Variants in LDB2 observed in about 807,000 individuals in gnomAD.
The protein encoded by LDB2 is LIM domain binding 2, also known as LIM domain-binding protein 2.
Under a neutral mutation model 44.3 loss-of-function variants are expected in LDB2, and 12 were observed. The observed-to-expected ratio is 0.27, with a 90% CI of 0.17 to 0.44. The LOEUF (loss-of-function observed/expected upper bound fraction) is 0.44, where lower values mean the gene tolerates loss of function less well. Among genes scored for constraint, LDB2 ranks in the 20% least tolerant of loss-of-function variants. The pLI is 1.00. For missense variants in LDB2, 344 were observed against 473.5 expected, an observed-to-expected ratio of 0.73 and a Z score of 2.54; for synonymous variants, 164 against 174.8, an observed-to-expected ratio of 0.94 and a Z score of 0.49.
chr4:16,512,405 T>TAG (rs1722103845), intron 5 of LDB2, among the ~76,000 whole-genome samples: 1 of 152,064 alleles, frequency 6.6e-6, no homozygotes, highest in African/African-American at 2.4e-5. Flanking sequence ...TGGATATATG[T>TAG]AGCTCTATTC....
rs766138440 is a variant in LDB2, at chr4:16,524,372, C to T, written c.616-12268G>A. Among the ~76,000 whole-genome samples the T allele has an allele frequency of 7.2e-5, 11 of 152,156 alleles. No homozygotes were observed. In the East Asian group the frequency reaches 1.5e-3, roughly 21 times the overall value. On this transcript the variant is annotated intron_variant, in intron 5 of 7. Coordinates refer to ENST00000304523, the MANE Select transcript of LDB2 (RefSeq NM_001290.5). ...TGTCAGGAAGGGCTGCCTGAGGAAT[C>T]GATATTTAAGTTGAGACATACAAAG... is the stretch of plus-strand genomic sequence containing the variant.
At chr4:16,551,333 A>G (rs752502254) in intron 5 of LDB2, among the ~76,000 whole-genome samples, 6 of 152,176 alleles carry the variant, frequency 3.9e-5, no homozygotes, top group Admixed American at 1.3e-4. Context: ...TTTAAAAGTT[A>G]AGGAAAACTG....
chr4:16,567,794 C>T (rs1745098330), intron 5 of LDB2, among the ~76,000 whole-genome samples: 1 of 152,146 alleles, frequency 6.6e-6, no homozygotes, highest in Admixed American at 6.5e-5. Context: ...AAAAAGTTTA[C>T]ATTTCAAGCA....
chr4:16,606,105 T>C (rs1408282300), intron 2 of LDB2, among the ~76,000 whole-genome samples: 2 of 152,234 alleles, frequency 1.3e-5, no homozygotes, highest in Admixed American at 6.5e-5. Flanking sequence ...TTTAGATTTT[T>C]AAATTATTTT....
intron 2 of LDB2, among the ~76,000 whole-genome samples, chr4:16,722,301 G>T (rs1758438121): frequency 6.6e-6 from 1 of 152,116 alleles, no homozygotes; most frequent in African/African-American, 2.4e-5. Flanking sequence ...ACAGAAAGTA[G>T]CTTGCCCAGC....
intron 1 of LDB2, among the ~76,000 whole-genome samples, chr4:16,893,950 C>T (rs1295415812): frequency 6.6e-6 from 1 of 152,078 alleles, no homozygotes; most frequent in Non-Finnish European, 1.5e-5. Flanking sequence ...GATAAACTTT[C>T]TTAAATTTTA....
At chr4:16,551,243 A>C (rs2152348381) in intron 5 of LDB2, among the ~76,000 whole-genome samples, 1 of 152,324 alleles carries the variant, frequency 6.6e-6, no homozygotes, top group East Asian at 1.9e-4. Context: ...CAAGTATTCC[A>C]AAATGCTGAG....
At chr4:16,866,436 A>G (rs1036233503) in intron 1 of LDB2, among the ~76,000 whole-genome samples, 2 of 152,230 alleles carry the variant, frequency 1.3e-5, no homozygotes, top group Admixed American at 6.5e-5. Flanking sequence ...AGCCAACCAA[A>G]TCAAATAAAT....
rs530482097 is a variant in LDB2, at chr4:16,614,995, G to A, written c.236-19120C>T. On this transcript the variant is annotated intron_variant, in intron 2 of 7. Transcript: ENST00000304523. ...TGAGGCAGGAGAATGGCGTGAACCCGGGAGGTGGAGCTTGCAGTGAGCCGA... is the reference window on the plus strand; with the variant it reads ...TGAGGCAGGAGAATGGCGTGAACCCAGGAGGTGGAGCTTGCAGTGAGCCGA... Among the ~76,000 whole-genome samples the A allele has an allele frequency of 2.2e-4, 33 of 148,622 alleles. 2 individuals carry two copies. The South Asian group carries it at 4.8e-3, about 22-fold the overall frequency.
intron 2 of LDB2, among the ~76,000 whole-genome samples, chr4:16,649,411 G>T (rs1303814729): frequency 7.5e-5 from 11 of 146,846 alleles, no homozygotes; most frequent in Non-Finnish European, 1.7e-4. Flanking sequence ...GAGAGAGAGA[G>T]ATGAGAGAGA....
chr4:16,792,026 G>A (rs1775866655), intron 1 of LDB2, among the ~76,000 whole-genome samples: 1 of 152,142 alleles, frequency 6.6e-6, no homozygotes, highest in Non-Finnish European at 1.5e-5. Flanking sequence ...TGAAGGAGAG[G>A]AGTTGAACAG....
intron 5 of LDB2, among the ~76,000 whole-genome samples, chr4:16,555,578 G>T (rs1402697704): frequency 1.3e-5 from 2 of 152,070 alleles, no homozygotes. Context: ...TGCACATTCT[G>T]TTCCCCTGGC....
intron 2 of LDB2, among the ~76,000 whole-genome samples, chr4:16,618,544 T>C (rs1257144614): frequency 6.6e-6 from 1 of 152,194 alleles, no homozygotes; most frequent in Non-Finnish European, 1.5e-5. Context: ...TGTACATACA[T>C]ACACATATCC....
At position 16,508,663 on chromosome 4, in the gene LDB2, T is replaced by C; in HGVS notation, c.763A>G (p.Thr255Ala). The stretch of plus-strand genomic sequence containing the variant: ...GAATTTTTCCTTTTTCTCCGTTTGG[T>C]TGTTGGTTGCCTTGTGGGTTCTGCT... ...PPAEPTRQPT[T>A]KRRKRKNSTS... Residue 255 changes from threonine (T) to alanine (A), a missense_variant, in exon 7 of 8, where the codon ACC becomes GCC. By Grantham distance (58) the Thr-to-Ala change is moderately conservative. Coordinates refer to ENST00000304523, the MANE Select transcript of LDB2 (RefSeq NM_001290.5). 1.2e-6 allele frequency: 2 copies of C among 1,613,824 alleles called. No homozygotes were observed. Among genetic ancestry groups the C allele is most frequent in the Admixed American group, 1.7e-5 (1 of 59,992 alleles).
intron 2 of LDB2, among the ~76,000 whole-genome samples, chr4:16,634,692 G>A (rs531841037): frequency 3.0e-4 from 46 of 152,248 alleles, no homozygotes; most frequent in African/African-American, 5.1e-4. Flanking sequence ...CACTGTTGGC[G>A]GGAGTGTAAA....
intron 5 of LDB2, among the ~76,000 whole-genome samples, chr4:16,579,667 A>G (rs1024630248): frequency 6.6e-6 from 1 of 152,054 alleles, no homozygotes; most frequent in Non-Finnish European, 1.5e-5. Context: ...TTTCATGGTG[A>G]AGTTCTAGGT....
chr4:16,508,682 T>C lies in LDB2; in HGVS notation c.744A>G (p.Glu248=). The C allele has an allele frequency of 6.2e-7, 1 of 1,613,530 alleles. No individual in the cohort carries two copies. The highest frequency in any genetic ancestry group is 8.5e-7 in the Non-Finnish European group (1 of 1,179,712). ...GTTTGGTTGTTGGTTGCCTTGTGGG[T>C]TCTGCTGCAATATGGAAAAGGGAAG... ...KWQRMVAPPA[E]PTRQPTTKRR... The change falls in exon 7 of 8, where the codon GAA becomes GAG. Residue 248 remains glutamate (E), a synonymous_variant. Coordinates refer to ENST00000304523, the MANE Select transcript of LDB2 (RefSeq NM_001290.5).
rs186191025 is a variant in LDB2, at chr4:16,699,186, G to A, written c.235+59972C>T. On this transcript the variant is annotated intron_variant, in intron 2 of 7. Transcript: ENST00000304523. ...GACTGCACATTCTTCATCTTTAATC[G>A]TAAGATAACTCCTTCTAATACAGAG... Among the ~76,000 whole-genome samples, 69 of 152,318 alleles carry A rather than the reference G, an allele frequency of 4.5e-4. No individual in the cohort carries two copies. The East Asian group carries it at 0.013, about 28-fold the overall frequency.
intron 1 of LDB2, among the ~76,000 whole-genome samples, chr4:16,791,904 G>A (rs942870050): frequency 1.3e-5 from 2 of 152,280 alleles, no homozygotes; most frequent in Middle Eastern, 3.4e-3. Context: ...GTGTGAAATG[G>A]TGGTACCTAT....
Sources: gnomAD v4.1 joint callset for allele counts (sites outside exome capture counted in the v4.1 genomes callset) on GRCh38, gnomAD v4.1.1 for gene constraint, MANE v1.5 for transcripts, NCBI Gene and HGNC (gene_info 2026-07-23, HGNC 2026-07-21) for gene names.